LRRK2: variants seen among roughly 807,000 people sequenced by gnomAD.
The protein encoded by LRRK2 is leucine-rich repeat serine/threonine-protein kinase 2.
In LRRK2, 203 loss-of-function variants were observed where a neutral mutation model predicts 302.6. The ratio of observed to expected loss-of-function variants is 0.67; its 90% CI spans 0.60 to 0.75. LRRK2 has a LOEUF of 0.75. Among genes scored for constraint, LRRK2 ranks in the 30% least tolerant of loss-of-function variants. The probability of loss-of-function intolerance (pLI) is 0.00; values close to 1 mark genes in which losing one functional copy is unlikely to be tolerated. For missense variants in LRRK2, 2,830 were observed against 2,951.0 expected, an observed-to-expected ratio of 0.96 and a Z score of 0.95; for synonymous variants, 1,066 against 1,031.9, an observed-to-expected ratio of 1.03 and a Z score of -0.63.
intron 19 of LRRK2, among the ~76,000 whole-genome samples, chr12:40,287,146 C>T (rs574509876): frequency 3.3e-5 from 5 of 151,882 alleles, no homozygotes; most frequent in African/African-American, 1.2e-4. Flanking sequence ...TACATGAAAG[C>T]ATTGTGTACA....
At chr12:40,258,913 A>C (rs1397392041) in intron 12 of LRRK2, among the ~76,000 whole-genome samples, 3 of 152,212 alleles carry the variant, frequency 2.0e-5, no homozygotes, top group African/African-American at 7.2e-5. Flanking sequence ...TACCTACTGC[A>C]TTCTAGTCAA....
intron 44 of LRRK2, among the ~76,000 whole-genome samples, chr12:40,352,378 T>A (rs553574707): frequency 3.0e-4 from 46 of 152,120 alleles, no homozygotes; most frequent in Non-Finnish European, 5.3e-4. Flanking sequence ...AAATATAAGA[T>A]AAGTTTCTAG....
intron 30 of LRRK2, 147 bp downstream of exon 30, chr12:40,309,380 T>C: frequency 3.9e-6 from 4 of 1,035,038 alleles, no homozygotes; most frequent in East Asian, 2.7e-5. Context: ...AAATTTTGAA[T>C]TGGGAAACTT....
intron 46 of LRRK2, among the ~76,000 whole-genome samples, chr12:40,358,968 A>AT (rs890068247): frequency 1.3e-5 from 2 of 151,850 alleles, no homozygotes. Context: ...TATTTTATTA[A>AT]TTTTTTGTAG....
rs545231732 is a variant in LRRK2 at position 40,225,541 on chromosome 12, C to T, written c.152-14C>T. Reference sequence around the variant, plus strand: ...TGTGACTTTGCTTCTTTTCCCCACCCACTTGTTTTCCAGCCTCCAAGTTAT... The same window carrying T: ...TGTGACTTTGCTTCTTTTCCCCACCTACTTGTTTTCCAGCCTCCAAGTTAT... On this transcript the variant is annotated splice_polypyrimidine_tract_variant and intron_variant, in intron 1 of 50. Transcript: ENST00000298910. 6.2e-7 allele frequency: 1 copy of T among 1,609,028 alleles called. No homozygotes were observed. The highest frequency in any genetic ancestry group is 8.5e-7 in the Non-Finnish European group (1 of 1,175,362).
At chr12:40,323,002 A>C (rs895837424) in intron 37 of LRRK2, among the ~76,000 whole-genome samples, 158 bp from the exon 38 acceptor site, 4 of 152,150 alleles carry the variant, frequency 2.6e-5, no homozygotes, top group Non-Finnish European at 5.9e-5. Context: ...TGAATCTTTA[A>C]AATGTTCTCA....
At chr12:40,293,105 C>T (rs530046939) in intron 20 of LRRK2, among the ~76,000 whole-genome samples, 77 of 151,476 alleles carry the variant, frequency 5.1e-4, no homozygotes, top group Middle Eastern at 3.4e-3. Flanking sequence ...TTCCAGCGGT[C>T]TCCATAAAAA....
intron 11 of LRRK2, among the ~76,000 whole-genome samples, 172 bp downstream of exon 11, chr12:40,253,188 A>T (rs1942355824): frequency 6.6e-6 from 1 of 152,186 alleles, no homozygotes; most frequent in Non-Finnish European, 1.5e-5. Flanking sequence ...TATAGGTAAA[A>T]GGATGAAGAA....
At chr12:40,250,503 T>C (rs12371502) in intron 8 of LRRK2, among the ~76,000 whole-genome samples, 72,564 of 151,988 alleles carry the variant, frequency 0.48, 18,250 homozygotes, top group South Asian at 0.62. Flanking sequence ...AAAAAATAAT[T>C]TATTTGTGTT....
intron 20 of LRRK2, among the ~76,000 whole-genome samples, chr12:40,291,862 A>G (rs1944170809): frequency 6.6e-6 from 1 of 152,068 alleles, no homozygotes; most frequent in Admixed American, 6.6e-5. Flanking sequence ...TATGCTTTGT[A>G]TATTTTGAAG....
chr12:40,365,528 T>C (rs957159259), intron 49 of LRRK2: 1 of 130,344 alleles, frequency 7.7e-6, no homozygotes, highest in African/African-American at 2.8e-5. Context: ...ACTCAAACTT[T>C]GTCTTTTTTT....
chr12:40,359,556 A>G, intron 47 of LRRK2, 112 bp downstream of exon 47: 1 of 916,700 alleles, frequency 1.1e-6, no homozygotes, highest in East Asian at 2.7e-5. Context: ...AAAATGCATA[A>G]TTTATTTTCT....
At position 40,348,561 on chromosome 12, in the gene LRRK2, G is replaced by A. The variant is rs11176143; in HGVS notation, c.6381+52G>A. On this transcript the variant is annotated intron_variant, in intron 43 of 50. Coordinates refer to ENST00000298910, the MANE Select transcript of LRRK2 (RefSeq NM_198578.4). The stretch of plus-strand genomic sequence containing the variant: ...TGTACAGAACATCATTTGCATATAT[G>A]CATATATATATAATCTTCAAATATA... The A allele has an allele frequency of 0.088, 92,898 of 1,055,146 alleles. 5,549 individuals are homozygous for A. The highest frequency in any genetic ancestry group is 0.17 in the South Asian group (12,967 of 74,802). The allele number at this position is 1,055,146 out of a possible 1,614,324, so 65.4% of individuals were successfully genotyped here.
chr12:40,273,583 G>A (rs1943324681), intron 14 of LRRK2, among the ~76,000 whole-genome samples: 1 of 152,196 alleles, frequency 6.6e-6, no homozygotes, highest in South Asian at 2.1e-4. Context: ...GGTCAAAGAC[G>A]TCTGGCTTGA....
At chr12:40,231,875 C>T (rs1308362957) in intron 2 of LRRK2, among the ~76,000 whole-genome samples, 1 of 150,850 alleles carries the variant, frequency 6.6e-6, no homozygotes, top group African/African-American at 2.4e-5. Context: ...ACAATCTTGG[C>T]TCACTGCACC....
At chr12:40,303,851 C>T in intron 26 of LRRK2, 97 bp from the exon 27 acceptor site, 2 of 1,184,270 alleles carry the variant, frequency 1.7e-6, no homozygotes, top group South Asian at 1.3e-5. Context: ...TTTGACGTTA[C>T]ACTTTATTCT....
intron 33 of LRRK2, among the ~76,000 whole-genome samples, chr12:40,317,207 C>A (rs931151115): frequency 6.6e-6 from 1 of 151,822 alleles, no homozygotes; most frequent in Non-Finnish European, 1.5e-5. Flanking sequence ...TTAATTTGAG[C>A]CACTCAAAGT....
In LRRK2 at chr12:40,334,973, G is replaced by A. The variant is rs2136937875; in HGVS notation, c.5764G>A (p.Val1922Met). Residue 1922 changes from valine to methionine, a missense_variant, in exon 40 of 51, where the codon GTG (valine) becomes ATG (methionine). Physicochemically the swap from Val to Met is conservative, Grantham distance 21. This residue lies in a region of LRRK2 where 253 missense variants were observed against 346.7 expected (regional missense o/e 0.73). Transcript: ENST00000298910. ...TGATTTTGGACTTTTGCAGGAGCTT[G>A]TGGTGCTTTGCCACCTCCACCACCC... ...TSLRLLRQELVVLCHLHHPSL... is the reference protein window; with the variant it reads ...TSLRLLRQELMVLCHLHHPSL... 9 of 1,613,918 alleles carry A rather than the reference G, an allele frequency of 5.6e-6. No individual in the cohort carries two copies. The highest frequency in any genetic ancestry group is 6.8e-6 in the Non-Finnish European group (8 of 1,179,956).
chr12:40,299,820 G>A (rs923064030), intron 25 of LRRK2, among the ~76,000 whole-genome samples: 5 of 152,154 alleles, frequency 3.3e-5, no homozygotes, highest in Non-Finnish European at 2.9e-5. Context: ...AGGGGAAAAT[G>A]TGTGTGGGGT....
Sources: allele counts gnomAD v4.1 joint callset (sites outside exome capture counted in the v4.1 genomes callset), GRCh38; gene constraint gnomAD v4.1.1; regional missense constraint gnomAD v4.1.1; transcripts MANE v1.5; gene names NCBI Gene and HGNC (gene_info 2026-07-23, HGNC 2026-07-21).